SLC25A26: variants seen among roughly 807,000 people sequenced by gnomAD.
The protein encoded by SLC25A26 is mitochondrial S-adenosylmethionine carrier protein.
SLC25A26 carries 36 observed loss-of-function variants against 37.8 expected under a neutral mutation model. That is an observed-to-expected ratio of 0.95 (90% CI 0.73 to 1.26). The LOEUF (loss-of-function observed/expected upper bound fraction) is 1.26, where lower values mean the gene tolerates loss of function less well. Among genes scored for constraint, SLC25A26 ranks in the 50% most tolerant of loss-of-function variants. The pLI is 0.00. For synonymous variants in SLC25A26, 129 were observed against 122.5 expected (o/e 1.05, Z -0.35); for missense variants, 390 against 331.1 (o/e 1.18, Z -1.38).
chr3:66,361,034 G>C (rs1397268002), intron 6 of SLC25A26, among the ~76,000 whole-genome samples: 1 of 152,184 alleles, frequency 6.6e-6, no homozygotes, highest in Non-Finnish European at 1.5e-5. Context: ...GTATGGAATT[G>C]ATATCAAGAT....
intron 1 of SLC25A26, among the ~76,000 whole-genome samples, chr3:66,209,014 A>ATG (rs2071227285): frequency 8.2e-6 from 1 of 122,494 alleles, no homozygotes; most frequent in African/African-American, 2.9e-5. Context: ...AAAGGTATAT[A>ATG]TATATATACA....
intron 1 of SLC25A26, among the ~76,000 whole-genome samples, chr3:66,233,983 G>A (rs1410986102): frequency 2.0e-5 from 3 of 152,216 alleles, no homozygotes; most frequent in Admixed American, 6.5e-5. Flanking sequence ...TTAGAGTGAA[G>A]TGCAGCATGT....
chr3:66,353,411 C>T (rs553260093), intron 6 of SLC25A26, among the ~76,000 whole-genome samples: 168 of 152,280 alleles, frequency 1.1e-3, no homozygotes, highest in Middle Eastern at 3.4e-3. Flanking sequence ...AGTTTGAACG[C>T]CTTGCCCAAG....
At position 66,322,783 on chromosome 3, in the gene SLC25A26, T is replaced by C. The variant is rs1266871036; in HGVS notation, c.454-23581T>C. Among the ~76,000 whole-genome samples, 25 of 152,208 alleles carry C rather than the reference T, an allele frequency of 1.6e-4. 1 individual carries two copies. The highest frequency in any genetic ancestry group is 3.4e-4 in the Non-Finnish European group (23 of 68,034). On this transcript the variant is annotated intron_variant, in intron 5 of 9. Transcript: ENST00000354883. ...GTAAATTATCAGTTGCTAGATGGAC[T>C]TTTTCATTCTAGACTTCAATTATTT...
chr3:66,305,689 A>C (rs1213607253), intron 5 of SLC25A26, among the ~76,000 whole-genome samples: 2 of 151,868 alleles, frequency 1.3e-5, no homozygotes, highest in African/African-American at 4.8e-5. Flanking sequence ...GTTCACTTAC[A>C]AGTGAGAGCA....
intron 5 of SLC25A26, among the ~76,000 whole-genome samples, chr3:66,284,096 C>G (rs1168323107): frequency 6.6e-6 from 1 of 152,178 alleles, no homozygotes; most frequent in East Asian, 1.9e-4. Context: ...CCTGTTATCC[C>G]AGCACTTTGG....
At chr3:66,271,007 T>A (rs2073938218) in intron 5 of SLC25A26, among the ~76,000 whole-genome samples, 1 of 152,224 alleles carries the variant, frequency 6.6e-6, no homozygotes, top group Non-Finnish European at 1.5e-5. Flanking sequence ...AGTTCCTGTG[T>A]GTATGGTTTA....
intron 1 of SLC25A26, among the ~76,000 whole-genome samples, chr3:66,148,444 G>A (rs556899818): frequency 1.2e-3 from 185 of 152,310 alleles, no homozygotes; most frequent in African/African-American, 4.0e-3. Context: ...GGACCATGGC[G>A]AGGATGGAGG....
intron 9 of SLC25A26, among the ~76,000 whole-genome samples, chr3:66,376,737 G>C (rs1051818124): frequency 5.3e-5 from 8 of 152,212 alleles, no homozygotes; most frequent in African/African-American, 1.9e-4. Context: ...ATATCTCTGA[G>C]TCATGCCTGT....
intron 1 of SLC25A26, among the ~76,000 whole-genome samples, chr3:66,182,789 G>A (rs1158750257): frequency 6.6e-6 from 1 of 151,428 alleles, no homozygotes; most frequent in Non-Finnish European, 1.5e-5. Context: ...TCCTAATAAA[G>A]AGAATTAAAA....
intron 5 of SLC25A26, among the ~76,000 whole-genome samples, chr3:66,293,660 A>G (rs1400506539): frequency 6.6e-6 from 1 of 152,136 alleles, no homozygotes; most frequent in African/African-American, 2.4e-5. Flanking sequence ...CTCTTTCTGC[A>G]TTAGTTTGCA....
At chr3:66,262,279 A>G (rs915658496) in intron 4 of SLC25A26, 124 bp downstream of exon 4, 8 of 477,964 alleles carry the variant, frequency 1.7e-5, no homozygotes, top group East Asian at 7.1e-5. Context: ...ATGTCCAGTT[A>G]TAGTAAATTT....
At chr3:66,265,060 C>T (rs956801344) in intron 5 of SLC25A26, among the ~76,000 whole-genome samples, 5 of 152,130 alleles carry the variant, frequency 3.3e-5, no homozygotes, top group Non-Finnish European at 7.3e-5. Context: ...AGCCTGTAAT[C>T]CCAGCATTTT....
chr3:66,210,891 A>G (rs2071276172), intron 1 of SLC25A26, among the ~76,000 whole-genome samples: 2 of 152,204 alleles, frequency 1.3e-5, no homozygotes, highest in African/African-American at 4.8e-5. Flanking sequence ...CGAGCTATGA[A>G]GGTGAGGCAA....
intron 9 of SLC25A26, among the ~76,000 whole-genome samples, chr3:66,372,945 C>G (rs1700430080): frequency 6.6e-6 from 1 of 152,176 alleles, no homozygotes; most frequent in Non-Finnish European, 1.5e-5. Flanking sequence ...TGGTGCTGCC[C>G]TCTCGGGGTC....
Position 66,243,192 on chromosome 3 carries a change from T to A in SLC25A26, c.191-11T>A, listed in dbSNP as rs1157836414. On this transcript the variant is annotated splice_polypyrimidine_tract_variant and intron_variant, in intron 2 of 9. Transcript: ENST00000354883. Reference sequence around the variant, plus strand: ...AAACTTTGTGAAAGACTGGCTTGTTTTAAATTTCAGCTGCTGCATTTTTTA... The same window carrying A: ...AAACTTTGTGAAAGACTGGCTTGTTATAAATTTCAGCTGCTGCATTTTTTA... 2.7e-6 allele frequency: 4 copies of A among 1,492,092 alleles called. No individual in the cohort carries two copies. Among genetic ancestry groups the A allele is most frequent in the Non-Finnish European group, 3.7e-6 (4 of 1,077,362 alleles). The allele number at this position is 1,492,092 out of a possible 1,614,324, so 92.4% of individuals were successfully genotyped here. A position where few individuals can be genotyped will look rare whatever the true frequency, so the allele number is the denominator to read the frequency against.
intron 1 of SLC25A26, among the ~76,000 whole-genome samples, chr3:66,164,111 A>G (rs2070394746): frequency 6.6e-6 from 1 of 152,248 alleles, no homozygotes; most frequent in South Asian, 2.1e-4. Context: ...TTGTAGAAAT[A>G]GAAGATTTTG....
chr3:66,193,837 C>T (rs2070991760), intron 1 of SLC25A26, among the ~76,000 whole-genome samples: 2 of 152,172 alleles, frequency 1.3e-5, no homozygotes, highest in East Asian at 1.9e-4. Flanking sequence ...ATAAACAGTC[C>T]TATCATCACA....
intron 5 of SLC25A26, among the ~76,000 whole-genome samples, chr3:66,300,491 T>G (rs2075046174): frequency 6.6e-6 from 1 of 152,216 alleles, no homozygotes; most frequent in African/African-American, 2.4e-5. Flanking sequence ...CCTATTTGTC[T>G]TAAACAATTT....
Sources: allele counts gnomAD v4.1 joint callset (sites outside exome capture counted in the v4.1 genomes callset), GRCh38; gene constraint gnomAD v4.1.1; transcripts MANE v1.5; gene names NCBI Gene and HGNC (gene_info 2026-07-23, HGNC 2026-07-21).